NTN1: variants seen among roughly 807,000 people sequenced by gnomAD.
The protein encoded by NTN1 is netrin 1.
In NTN1, 11 loss-of-function variants were observed where a neutral mutation model predicts 54.2. The observed-to-expected ratio is 0.20, with a 90% confidence interval of 0.13 to 0.34. The LOEUF (loss-of-function observed/expected upper bound fraction) is 0.34. Among genes scored for constraint, NTN1 ranks in the 10% least tolerant of loss-of-function variants. NTN1 has a pLI of 1.00. For missense variants in NTN1, 740 were observed against 893.1 expected (o/e 0.83, Z 2.18); for synonymous variants, 371 against 382.0 (o/e 0.97, Z 0.33).
At chr17:9,180,328 C>T (rs999289049) in intron 4 of NTN1, among the ~76,000 whole-genome samples, 1 of 152,240 alleles carries the variant, frequency 6.6e-6, no homozygotes, top group Non-Finnish European at 1.5e-5. Context: ...CATGAGCCAC[C>T]GCGCCTGGCC....
chr17:9,131,575 T>C (rs1182185253), intron 2 of NTN1, among the ~76,000 whole-genome samples: 2 of 151,096 alleles, frequency 1.3e-5, no homozygotes, highest in African/African-American at 2.4e-5. Context: ...TGGTATTCCC[T>C]TGATGCTTTT....
intron 2 of NTN1, among the ~76,000 whole-genome samples, chr17:9,049,802 TA>T (rs1241802339): frequency 1.3e-5 from 2 of 152,166 alleles, no homozygotes; most frequent in Non-Finnish European, 2.9e-5. Context: ...TAGGTAATAG[TA>T]TTGCACCCAT....
At chr17:9,012,856 G>A in the NTN1 span, among the ~76,000 whole-genome samples, 9 of 152,190 alleles carry the variant, frequency 5.9e-5, no homozygotes, top group Admixed American at 2.6e-4. Context: ...GATCCTAAAC[G>A]CATCCTGTTT....
Position 9,023,268 on chromosome 17 carries a change from G to A in NTN1, c.895G>A (p.Asp299Asn), listed in dbSNP as rs2091859483. The A allele has an allele frequency of 1.3e-6, 2 of 1,560,748 alleles. No individual in the cohort carries two copies. Among genetic ancestry groups the A allele is most frequent in the East Asian group, 2.4e-5 (1 of 41,810 alleles). ...GHAARCVRDRDDSLVCDCRHN... is the reference protein window; with the variant it reads ...GHAARCVRDRNDSLVCDCRHN... The stretch of plus-strand genomic sequence containing the variant: ...CGCGGCCCGCTGCGTGCGCGACCGC[G>A]ACGACAGCCTGGTGTGCGACTGCAG... The change falls in exon 2 of 7, where the codon GAC (aspartate) becomes AAC (asparagine). Residue 299 changes from aspartate to asparagine, a missense_variant. Asp to Asn is a conservative substitution (Grantham distance 23). Transcript: ENST00000173229.
At chr17:9,041,000 A>G (rs1405506298) in intron 2 of NTN1, among the ~76,000 whole-genome samples, 1 of 152,016 alleles carries the variant, frequency 6.6e-6, no homozygotes, top group Non-Finnish European at 1.5e-5. Flanking sequence ...TTTTGTAGAG[A>G]TGAGGTCTTG....
chr17:9,166,422 A>G (rs2092373619), intron 3 of NTN1, among the ~76,000 whole-genome samples: 1 of 148,110 alleles, frequency 6.8e-6, no homozygotes, highest in South Asian at 2.2e-4. Flanking sequence ...GCTCACTGCA[A>G]CCTCTGCCTC....
intron 6 of NTN1, among the ~76,000 whole-genome samples, chr17:9,228,029 C>T (rs1221741375): frequency 6.6e-6 from 1 of 152,172 alleles, no homozygotes; most frequent in Non-Finnish European, 1.5e-5. Context: ...TGCTGTGGGC[C>T]CCATCCTGCC....
chr17:9,241,439 TG>T lies in NTN1; in HGVS notation c.*1475del. Reference sequence around the variant, plus strand: ...TCACACAGGGTCCATTCCTGTGCCCTGGGGCCTCCTGGCTCCCTGCCTTCCT... The same window carrying T: ...TCACACAGGGTCCATTCCTGTGCCCTGGGCCTCCTGGCTCCCTGCCTTCCT... On this transcript the variant is annotated 3_prime_UTR_variant, in exon 7 of 7. Coordinates refer to ENST00000173229, the MANE Select transcript of NTN1 (RefSeq NM_004822.3). 6.5e-6 allele frequency: 1 copy of T among 153,334 alleles called. No homozygotes were observed. The highest frequency in any genetic ancestry group is 1.5e-5 in the Non-Finnish European group (1 of 68,720). 9.5% of individuals were successfully genotyped at this position (153,334 alleles called of 1,614,324 possible).
At chr17:9,182,421 C>T (rs572313180) in intron 4 of NTN1, among the ~76,000 whole-genome samples, 3 of 152,240 alleles carry the variant, frequency 2.0e-5, no homozygotes, top group Non-Finnish European at 2.9e-5. Context: ...GAACCTGGGC[C>T]GTGCTGCCAA....
intron 6 of NTN1, among the ~76,000 whole-genome samples, chr17:9,229,620 C>A (rs1318639483): frequency 6.6e-6 from 1 of 152,096 alleles, no homozygotes; most frequent in Non-Finnish European, 1.5e-5. Context: ...GGAGGAGAGA[C>A]CACAGAGACA....
intron 2 of NTN1, 80 bp downstream of exon 2, chr17:9,023,471 T>C: frequency 5.3e-6 from 7 of 1,315,500 alleles, no homozygotes; most frequent in Middle Eastern, 2.8e-4. Flanking sequence ...GGCGAGTTCA[T>C]AGGAGCGCGG....
At chr17:9,089,558 T>G (rs1038065364) in intron 2 of NTN1, among the ~76,000 whole-genome samples, 2 of 152,226 alleles carry the variant, frequency 1.3e-5, no homozygotes, top group Non-Finnish European at 2.9e-5. Flanking sequence ...CTGTCTCAGA[T>G]GTTCCCTGTT....
At position 9,100,676 on chromosome 17, in the gene NTN1, A is replaced by T. The variant is rs2092147783; in HGVS notation, c.1019-62137A>T. On this transcript the variant is annotated intron_variant, in intron 2 of 6. Coordinates refer to ENST00000173229, the MANE Select transcript of NTN1 (RefSeq NM_004822.3). ...ATAGCACTACCTCATCTTTTTGAGGATTGCTAGAATTCATGTAAACAATCT... is the reference window on the plus strand; with the variant it reads ...ATAGCACTACCTCATCTTTTTGAGGTTTGCTAGAATTCATGTAAACAATCT... Among the ~76,000 whole-genome samples, 4 of 152,198 alleles carry T rather than the reference A, an allele frequency of 2.6e-5. No homozygotes were observed. In the South Asian group the frequency reaches 8.3e-4, roughly 31 times the overall value.
chr17:9,231,652 G>A (rs1295994973), intron 6 of NTN1, among the ~76,000 whole-genome samples: 11 of 152,218 alleles, frequency 7.2e-5, no homozygotes, highest in Admixed American at 7.2e-4. Context: ...CGCTGGAGGT[G>A]GCACCTTGGT....
At chr17:9,061,752 A>G (rs888995445) in intron 2 of NTN1, among the ~76,000 whole-genome samples, 1 of 152,004 alleles carries the variant, frequency 6.6e-6, no homozygotes, top group African/African-American at 2.4e-5. Flanking sequence ...CGCCCAGACC[A>G]GAGTCCAGTG....
At chr17:9,214,807 G>C (rs1279675703) in intron 5 of NTN1, among the ~76,000 whole-genome samples, 3 of 152,166 alleles carry the variant, frequency 2.0e-5, no homozygotes, top group Non-Finnish European at 2.9e-5. Flanking sequence ...GGGCAACACA[G>C]TGAGACTCCA....
chr17:9,065,991 A>T (rs1386768206), intron 2 of NTN1, among the ~76,000 whole-genome samples: 4 of 152,254 alleles, frequency 2.6e-5, no homozygotes, highest in Non-Finnish European at 5.9e-5. Flanking sequence ...AATATAAAAC[A>T]TATATACAAT....
At chr17:9,139,822 C>T (rs1429242078) in intron 2 of NTN1, among the ~76,000 whole-genome samples, 1 of 152,086 alleles carries the variant, frequency 6.6e-6, no homozygotes, top group Non-Finnish European at 1.5e-5. Context: ...CCTATCCATC[C>T]TTCCATCATC....
chr17:9,127,133 G>A (rs954827614), intron 2 of NTN1, among the ~76,000 whole-genome samples: 11 of 151,994 alleles, frequency 7.2e-5, no homozygotes, highest in Non-Finnish European at 1.5e-4. Context: ...CTAAGGGGGT[G>A]TGTGTTGAGC....
Sources: gnomAD v4.1 joint callset for allele counts (sites outside exome capture counted in the v4.1 genomes callset) on GRCh38, gnomAD v4.1.1 for gene constraint, MANE v1.5 for transcripts, NCBI Gene and HGNC (gene_info 2026-07-23, HGNC 2026-07-21) for gene names.